NDUFA8: variants seen among roughly 807,000 people sequenced by gnomAD.
The protein encoded by NDUFA8 is NADH dehydrogenase [ubiquinone] 1 alpha subcomplex subunit 8.
In NDUFA8, 16 loss-of-function variants were observed where a neutral mutation model predicts 20.9. The ratio of observed to expected loss-of-function variants is 0.77; its 90% CI spans 0.52 to 1.16. NDUFA8 has a LOEUF of 1.16. NDUFA8 is among the 50% of genes most tolerant of loss of function. The pLI is 0.00. For missense variants in NDUFA8, 202 were observed against 216.4 expected, an observed-to-expected ratio of 0.93 and a Z score of 0.42; for synonymous variants, 70 against 76.1, an observed-to-expected ratio of 0.92 and a Z score of 0.41.
chr9:122,139,469 G>T (rs980463807), downstream of NDUFA8, among the ~76,000 whole-genome samples: 2 of 152,178 alleles, frequency 1.3e-5, no homozygotes, highest in Admixed American at 6.5e-5. Context: ...TGGAATGGAA[G>T]TTCCATGAGG....
intron 2 of NDUFA8, among the ~76,000 whole-genome samples, chr9:122,150,675 G>A (rs1249156057): frequency 6.6e-6 from 1 of 151,832 alleles, no homozygotes; most frequent in East Asian, 1.9e-4. Context: ...TAACCATTAA[G>A]AATGATGATC....
downstream of NDUFA8, among the ~76,000 whole-genome samples, chr9:122,139,587 A>C (rs796483931): frequency 1.3e-5 from 2 of 152,336 alleles, no homozygotes; most frequent in African/African-American, 4.8e-5. Context: ...TCTAGCTGCA[A>C]CTACACCCCC....
intron 2 of NDUFA8, among the ~76,000 whole-genome samples, chr9:122,150,455 C>A (rs2118707023): frequency 6.8e-6 from 1 of 146,092 alleles, no homozygotes; most frequent in East Asian, 2.0e-4. Context: ...AGTTCAAGAG[C>A]CATAATGATG....
At chr9:122,140,524 T>C (rs2118686812), downstream of NDUFA8, among the ~76,000 whole-genome samples, 1 of 152,336 alleles carries the variant, frequency 6.6e-6, no homozygotes. Context: ...GTAAAGGGTT[T>C]GGAAGTCCTC....
chr9:122,140,931 C>T (rs1828809850), downstream of NDUFA8, among the ~76,000 whole-genome samples: 1 of 152,158 alleles, frequency 6.6e-6, no homozygotes, highest in Non-Finnish European at 1.5e-5. Flanking sequence ...AACTCTAGAG[C>T]CCTCATGCCC....
intron 1 of NDUFA8, among the ~76,000 whole-genome samples, chr9:122,154,212 G>C (rs377253007): frequency 6.6e-6 from 1 of 152,132 alleles, no homozygotes; most frequent in Admixed American, 6.5e-5. Flanking sequence ...TGTTGACTAC[G>C]GTACACACCA....
At chr9:122,139,555 C>T (rs1357198045), downstream of NDUFA8, among the ~76,000 whole-genome samples, 1 of 152,194 alleles carries the variant, frequency 6.6e-6, no homozygotes, top group Non-Finnish European at 1.5e-5. Flanking sequence ...AATGAATTAA[C>T]TACTTAATGT....
chr9:122,159,523 G>A lies in NDUFA8; in HGVS notation c.51+104C>T, dbSNP rs562895458. 212 of 1,410,082 alleles carry A rather than the reference G, an allele frequency of 1.5e-4. No homozygotes were observed. In the East Asian group the frequency reaches 4.3e-3, roughly 28 times the overall value. 87.3% of individuals were successfully genotyped at this position (1,410,082 alleles called of 1,614,324 possible). ...TGTATATGCGTTGGAGGACTGGGGA[G>A]GGGGGCCCGGGTCCCAGGATCCGCG... On this transcript the variant is annotated intron_variant, in intron 1 of 3. Transcript: ENST00000373768.
intron 2 of NDUFA8, among the ~76,000 whole-genome samples, 192 bp downstream of exon 2, chr9:122,152,053 T>C (rs1461490069): frequency 6.6e-6 from 1 of 152,244 alleles, no homozygotes; most frequent in African/African-American, 2.4e-5. Flanking sequence ...CTGAGATTCA[T>C]GGAGATAAAA....
chr9:122,158,869 G>A (rs1316703280), intron 1 of NDUFA8, among the ~76,000 whole-genome samples: 1 of 151,584 alleles, frequency 6.6e-6, no homozygotes, highest in South Asian at 2.1e-4. Flanking sequence ...ATTAATGCAT[G>A]GAAAGTAATT....
intron 3 of NDUFA8, among the ~76,000 whole-genome samples, chr9:122,145,467 G>A (rs1828892352): frequency 6.6e-6 from 1 of 151,782 alleles, no homozygotes; most frequent in South Asian, 2.1e-4. Context: ...GGCCACAGCT[G>A]TCAGCAGTCT....
At chr9:122,152,167 A>G in intron 2 of NDUFA8, 78 bp downstream of exon 2, 1 of 1,505,948 alleles carries the variant, frequency 6.6e-7, no homozygotes, top group East Asian at 2.3e-5. Flanking sequence ...TAAAATCCAG[A>G]TTATTAGCTG....
At chr9:122,133,027 C>A in the NDUFA8 span, 1 of 456,090 alleles carries the variant, frequency 2.2e-6, no homozygotes, top group Non-Finnish European at 4.4e-6. Flanking sequence ...CCCTTTCATG[C>A]CCATGGTTCC....
chr9:122,148,675 C>T lies in NDUFA8; in HGVS notation c.216-398G>A, dbSNP rs937262544. Among the ~76,000 whole-genome samples, 8 of 152,054 alleles carry T rather than the reference C, an allele frequency of 5.3e-5. 1 individual carries two copies. The highest frequency in any genetic ancestry group is 4.2e-4 in the South Asian group (2 of 4,816). ...AATGGACATGCTGATAGAAGTCAAA[C>T]GTGACAGACAATGGCAAAGGAAGAG... On this transcript the variant is annotated intron_variant, in intron 2 of 3. Transcript: ENST00000373768.
At chr9:122,154,174 C>T (rs1449573935) in intron 1 of NDUFA8, among the ~76,000 whole-genome samples, 3 of 152,196 alleles carry the variant, frequency 2.0e-5, no homozygotes, top group African/African-American at 7.2e-5. Flanking sequence ...CAATTCTCCC[C>T]AAATTAAGCT....
Position 122,144,298 on chromosome 9 carries a change from G to C in NDUFA8, c.462C>G (p.Ile154Met), listed in dbSNP as rs1423856554. The C allele has an allele frequency of 1.2e-6, 2 of 1,614,144 alleles. No individual in the cohort carries two copies. The highest frequency in any genetic ancestry group is 1.7e-5 in the Admixed American group (1 of 60,028). The change falls in exon 4 of 4, where the codon ATC (isoleucine) becomes ATG (methionine). Residue 154 changes from isoleucine to methionine, a missense_variant. Coordinates refer to ENST00000373768, the MANE Select transcript of NDUFA8 (RefSeq NM_014222.3). Reference sequence around the variant, plus strand: ...GTGTGGCAGGCTGCAGATCTCCCTCGATCTCAGGGCTGGGATCCGGTCTTG... The same window carrying C: ...GTGTGGCAGGCTGCAGATCTCCCTCCATCTCAGGGCTGGGATCCGGTCTTG... ...SRPRPDPSPE[I>M]EGDLQPATHG...
intron 3 of NDUFA8, among the ~76,000 whole-genome samples, chr9:122,145,024 C>A (rs1828887212): frequency 6.6e-6 from 1 of 152,166 alleles, no homozygotes. Flanking sequence ...TCTGCAGGGG[C>A]TCACTGAGGC....
chr9:122,156,684 C>T (rs1260825804), intron 1 of NDUFA8, among the ~76,000 whole-genome samples: 2 of 152,212 alleles, frequency 1.3e-5, no homozygotes, highest in Non-Finnish European at 2.9e-5. Flanking sequence ...CAAACGGGCT[C>T]CTTTTTCTGG....
At chr9:122,147,949 T>C (rs1828930773) in intron 3 of NDUFA8, among the ~76,000 whole-genome samples, 163 bp downstream of exon 3, 1 of 152,176 alleles carries the variant, frequency 6.6e-6, no homozygotes. Flanking sequence ...TTTTTAAAAA[T>C]TCCTTTCTGG....
Sources: gnomAD v4.1 joint callset for allele counts (sites outside exome capture counted in the v4.1 genomes callset) on GRCh38, gnomAD v4.1.1 for gene constraint, MANE v1.5 for transcripts, NCBI Gene and HGNC (gene_info 2026-07-23, HGNC 2026-07-21) for gene names.